The following PHF20L1 variants were observed in gnomAD, a reference collection of about 807,000 sequenced individuals.
The protein encoded by PHF20L1 is PHD finger protein 20-like protein 1.
PHF20L1 carries 44 observed loss-of-function variants against 125.5 expected under a neutral mutation model. The observed-to-expected ratio is 0.35, with a 90% CI of 0.28 to 0.45. The LOEUF is 0.45. Among genes scored for constraint, PHF20L1 ranks in the 20% least tolerant of loss-of-function variants. The pLI is 1.00. For synonymous variants in PHF20L1, 380 were observed against 403.1 expected (o/e 0.94, Z 0.69); for missense variants, 1,012 against 1,217.2 (o/e 0.83, Z 2.51).
At chr8:132,799,030 A>T (rs551056176) in intron 5 of PHF20L1, 65 bp from the exon 6 acceptor site, 27 of 1,382,998 alleles carry the variant, frequency 2.0e-5, no homozygotes, top group Non-Finnish European at 2.6e-5. Flanking sequence ...AATAAATTAT[A>T]CATTTGATTT....
At chr8:132,832,472 C>G in intron 15 of PHF20L1, 73 bp downstream of exon 15, 1 of 1,036,428 alleles carries the variant, frequency 9.6e-7, no homozygotes, top group Non-Finnish European at 1.4e-6. Context: ...AAAACGTACT[C>G]TGTTAAGAGC....
chr8:132,794,908 C>G, intron 4 of PHF20L1, 91 bp downstream of exon 4: 1 of 751,284 alleles, frequency 1.3e-6, no homozygotes, highest in Non-Finnish European at 2.2e-6. Context: ...GTTATGTAAT[C>G]ATTACGTATA....
chr8:132,789,929 TTTC>T (rs983805579), intron 2 of PHF20L1, among the ~76,000 whole-genome samples: 108 of 152,270 alleles, frequency 7.1e-4, no homozygotes, highest in African/African-American at 2.4e-3. Context: ...CTATGGTTAT[TTTC>T]TTTTCTCTTT....
intron 12 of PHF20L1, among the ~76,000 whole-genome samples, chr8:132,823,207 T>C (rs1430631650): frequency 6.6e-6 from 1 of 152,038 alleles, no homozygotes; most frequent in Non-Finnish European, 1.5e-5. Flanking sequence ...AACAGTTTTA[T>C]TTTGGCTATT....
chr8:132,838,262 A>C (rs752271131), intron 17 of PHF20L1: 18 of 181,064 alleles, frequency 9.9e-5, no homozygotes, highest in Non-Finnish European at 3.6e-5. Flanking sequence ...AGAATTAATT[A>C]GCCTCTGTTC....
chr8:132,801,437 C>G (rs924861710), intron 6 of PHF20L1, among the ~76,000 whole-genome samples: 1 of 151,552 alleles, frequency 6.6e-6, no homozygotes, highest in African/African-American at 2.4e-5. Context: ...TCCTTTAACC[C>G]AAAGTTTCTG....
In PHF20L1 at chr8:132,845,845, C is replaced by G; in HGVS notation, c.2976C>G (p.Pro992=). 2 of 1,611,138 alleles carry G rather than the reference C, an allele frequency of 1.2e-6. No homozygotes were observed. The highest frequency in any genetic ancestry group is 1.7e-6 in the Non-Finnish European group (2 of 1,177,602). The change falls in exon 21 of 21, where the codon CCC becomes CCG. Residue 992 remains proline, a synonymous_variant. Coordinates refer to ENST00000395386, the MANE Select transcript of PHF20L1 (RefSeq NM_016018.5). ...CACCAGATCCTCTTGCAAGATTGCCCCAACTTAAACGCCACATAAAACAGC... is the reference window on the plus strand; with the variant it reads ...CACCAGATCCTCTTGCAAGATTGCCGCAACTTAAACGCCACATAAAACAGC... ...LEPPDPLARL[P]QLKRHIKQLL...
At chr8:132,804,168 T>C in intron 7 of PHF20L1, 136 bp downstream of exon 7, 1 of 630,580 alleles carries the variant, frequency 1.6e-6, no homozygotes, top group East Asian at 2.7e-5. Context: ...ATATGATGGC[T>C]AACTTTTTTA....
At chr8:132,837,104 A>C (rs958452460) in intron 16 of PHF20L1, among the ~76,000 whole-genome samples, 27 of 152,164 alleles carry the variant, frequency 1.8e-4, no homozygotes, top group African/African-American at 5.8e-4. Flanking sequence ...TAAAACATAA[A>C]AATGTCCAGT....
chr8:132,823,650 A>G (rs1362723155), intron 12 of PHF20L1, among the ~76,000 whole-genome samples: 1 of 151,996 alleles, frequency 6.6e-6, no homozygotes, highest in Non-Finnish European at 1.5e-5. Context: ...TTTGACTCAC[A>G]TAATCCTTAT....
At position 132,839,699 on chromosome 8, in the gene PHF20L1, A is replaced by G. The variant is rs181654318; in HGVS notation, c.2387+117A>G. On this transcript the variant is annotated intron_variant, in intron 18 of 20. Coordinates refer to ENST00000395386, the MANE Select transcript of PHF20L1 (RefSeq NM_016018.5). Reference sequence around the variant, plus strand: ...GTTTGGAGGAGAGAACAGGTATTTGAATAAAGTTTCATTTTTAAAAATAAG... The same window carrying G: ...GTTTGGAGGAGAGAACAGGTATTTGGATAAAGTTTCATTTTTAAAAATAAG... 1.5e-4 allele frequency: 102 copies of G among 677,744 alleles called. 2 individuals carry two copies. In the Middle Eastern group the frequency reaches 1.5e-3, roughly 10 times the overall value. The allele number at this position is 677,744 out of a possible 1,614,324, so 42.0% of individuals were successfully genotyped here.
At chr8:132,794,857 A>G (rs1166300405) in intron 4 of PHF20L1, 40 bp downstream of exon 4, 1 of 1,281,220 alleles carries the variant, frequency 7.8e-7, no homozygotes. Flanking sequence ...AATTAGATTA[A>G]TAGTAAAATT....
chr8:132,784,579 A>G (rs969516229), intron 2 of PHF20L1, among the ~76,000 whole-genome samples: 1 of 152,162 alleles, frequency 6.6e-6, no homozygotes, highest in African/African-American at 2.4e-5. Context: ...ACAAAAAGTC[A>G]TAGGTAGTTC....
At chr8:132,814,579 A>G in intron 9 of PHF20L1, 58 bp from the exon 10 acceptor site, 1 of 1,232,912 alleles carries the variant, frequency 8.1e-7, no homozygotes, top group Non-Finnish European at 1.1e-6. Flanking sequence ...AAAATAGAAT[A>G]CAAGAACAAA....
chr8:132,813,110 C>G (rs1834572720), intron 9 of PHF20L1: 15 of 970,118 alleles, frequency 1.5e-5, no homozygotes, highest in Non-Finnish European at 1.8e-5. Context: ...TGTTTTATAA[C>G]TTTGTAACTT....
intron 8 of PHF20L1, 128 bp downstream of exon 8, chr8:132,804,868 T>A: frequency 2.6e-6 from 2 of 779,836 alleles, no homozygotes; most frequent in East Asian, 5.3e-5. Context: ...AGACAATTAC[T>A]TTGTGGTTCT....
chr8:132,806,196 T>G (rs762490506), intron 8 of PHF20L1, among the ~76,000 whole-genome samples: 14 of 151,984 alleles, frequency 9.2e-5, no homozygotes, highest in Non-Finnish European at 1.8e-4. Flanking sequence ...TTTAATAGTT[T>G]CAATCAATAT....
At chr8:132,799,339 T>A (rs1329253560) in intron 6 of PHF20L1, 167 bp downstream of exon 6, 3 of 500,354 alleles carry the variant, frequency 6.0e-6, no homozygotes, top group Admixed American at 3.2e-5. Context: ...TACCTGACAC[T>A]CTGTAGGCTG....
Position 132,814,686 on chromosome 8 carries a change from G to A in PHF20L1, c.980G>A (p.Ser327Asn). Reference protein sequence around the residue: ...QSQKKNEADISSSANTQKPAL... With the variant: ...QSQKKNEADINSSANTQKPAL... ...CAGAAAAAAAATGAAGCTGACATTA[G>A]CAGTTCTGCCAACACTCAGAAACCT... Residue 327 changes from serine to asparagine, a missense_variant, in exon 10 of 21, where the codon AGC (serine) becomes AAC (asparagine). Physicochemically the swap from Ser to Asn is conservative, Grantham distance 46 (BLOSUM62 1). Transcript: ENST00000395386. 1 of 1,610,356 alleles carries A rather than the reference G, an allele frequency of 6.2e-7. No individual in the cohort carries two copies. The highest frequency in any genetic ancestry group is 8.5e-7 in the Non-Finnish European group (1 of 1,177,670).
Sources: gnomAD v4.1 joint callset for allele counts (sites outside exome capture counted in the v4.1 genomes callset) on GRCh38, gnomAD v4.1.1 for gene constraint, MANE v1.5 for transcripts, NCBI Gene and HGNC (gene_info 2026-07-23, HGNC 2026-07-21) for gene names.